The following C8orf34 variants were observed in gnomAD, a reference collection of about 807,000 sequenced individuals.
C8orf34 encodes the protein chromosome 8 open reading frame 34, also known as uncharacterized protein C8orf34.
In C8orf34, 65 loss-of-function variants were observed where a neutral mutation model predicts 68.3. That is an observed-to-expected ratio of 0.95 (90% confidence interval 0.78 to 1.17). C8orf34 has a LOEUF of 1.17. Ranked by LOEUF, C8orf34 falls within the 50% of genes most tolerant of loss-of-function variation. The probability of loss-of-function intolerance (pLI) is 0.00; values close to 1 mark genes in which losing one functional copy is unlikely to be tolerated. For missense variants in C8orf34, 664 were observed against 655.4 expected (o/e 1.01, Z -0.14); for synonymous variants, 244 against 241.2 (o/e 1.01, Z -0.11).
intron 8 of C8orf34, among the ~76,000 whole-genome samples, chr8:68,700,316 C>T (rs996066395): frequency 6.6e-6 from 1 of 151,938 alleles, no homozygotes; most frequent in Non-Finnish European, 1.5e-5. Flanking sequence ...TGTGAAAGGG[C>T]CAGAATCAAG....
chr8:68,553,868 A>G (rs1171171475), intron 7 of C8orf34, among the ~76,000 whole-genome samples: 1 of 75,488 alleles, frequency 1.3e-5, no homozygotes, highest in Non-Finnish European at 2.5e-5. Context: ...ATTCTATGCC[A>G]CAACAAAAGT....
At chr8:68,444,207 C>T (rs1327837102) in intron 2 of C8orf34, among the ~76,000 whole-genome samples, 1 of 152,058 alleles carries the variant, frequency 6.6e-6, no homozygotes, top group East Asian at 1.9e-4. Context: ...ATTGGTATTG[C>T]ATTTTAGTTT....
chr8:68,379,287 T>TA (rs1182430514), intron 1 of C8orf34, among the ~76,000 whole-genome samples: 1 of 152,222 alleles, frequency 6.6e-6, no homozygotes, highest in Non-Finnish European at 1.5e-5. Flanking sequence ...ATTCCAGTGT[T>TA]ACTTCGGTTG....
intron 2 of C8orf34, among the ~76,000 whole-genome samples, chr8:68,440,269 C>G (rs1297163887): frequency 6.6e-6 from 1 of 152,190 alleles, no homozygotes; most frequent in Admixed American, 6.5e-5. Flanking sequence ...TCCAAATCCC[C>G]TCATGCCCAT....
At chr8:68,332,263 T>G (rs1246880577) in intron 1 of C8orf34, among the ~76,000 whole-genome samples, 1 of 151,832 alleles carries the variant, frequency 6.6e-6, no homozygotes, top group Non-Finnish European at 1.5e-5. Flanking sequence ...TAGTCAGAAG[T>G]GGAGGCCCTT....
At chr8:68,623,188 C>T (rs1302013822) in intron 7 of C8orf34, among the ~76,000 whole-genome samples, 4 of 152,186 alleles carry the variant, frequency 2.6e-5, no homozygotes, top group Non-Finnish European at 4.4e-5. Flanking sequence ...TTGTCCCACA[C>T]ATTAAACACT....
chr8:68,660,545 C>G (rs1336441684), intron 8 of C8orf34, among the ~76,000 whole-genome samples: 3 of 152,130 alleles, frequency 2.0e-5, no homozygotes, highest in African/African-American at 7.2e-5. Context: ...CTAGCATGAC[C>G]CCTACCCACG....
At chr8:68,521,355 T>C (rs1449222369) in intron 5 of C8orf34, among the ~76,000 whole-genome samples, 5 of 152,228 alleles carry the variant, frequency 3.3e-5, no homozygotes, top group East Asian at 1.9e-4. Flanking sequence ...TAAAATGCTT[T>C]GCAGTTGGAG....
At chr8:68,632,690 T>G (rs1818727318) in intron 7 of C8orf34, among the ~76,000 whole-genome samples, 1 of 152,134 alleles carries the variant, frequency 6.6e-6, no homozygotes, top group South Asian at 2.1e-4. Context: ...GCTCCTCTGT[T>G]CAGCCTTGGG....
chr8:68,478,632 A>C (rs918549213), intron 4 of C8orf34, among the ~76,000 whole-genome samples: 3 of 152,218 alleles, frequency 2.0e-5, no homozygotes, highest in African/African-American at 7.2e-5. Context: ...GGTTTAATTG[A>C]TTCACAGTCC....
chr8:68,631,953 G>A (rs1417355968), intron 7 of C8orf34, among the ~76,000 whole-genome samples: 1 of 152,056 alleles, frequency 6.6e-6, no homozygotes, highest in African/African-American at 2.4e-5. Flanking sequence ...GTGTGAAAAA[G>A]GGCTAATACA....
chr8:68,745,510 C>T (rs1044842289), intron 10 of C8orf34, among the ~76,000 whole-genome samples: 7 of 152,080 alleles, frequency 4.6e-5, no homozygotes, highest in African/African-American at 1.4e-4. Context: ...CAGAGACACA[C>T]ATAGGCTCAA....
intron 8 of C8orf34, among the ~76,000 whole-genome samples, chr8:68,644,909 G>A (rs1819120064): frequency 6.6e-6 from 1 of 152,228 alleles, no homozygotes; most frequent in African/African-American, 2.4e-5. Context: ...TTGTGGGGAA[G>A]ACGCAGATGA....
chr8:68,649,099 G>C (rs1235533465), intron 8 of C8orf34, among the ~76,000 whole-genome samples: 3 of 152,100 alleles, frequency 2.0e-5, no homozygotes, highest in Non-Finnish European at 4.4e-5. Flanking sequence ...CAAACATGAA[G>C]GAAAATGGAT....
At chr8:68,757,270 A>C (rs1822890037) in intron 10 of C8orf34, among the ~76,000 whole-genome samples, 1 of 152,114 alleles carries the variant, frequency 6.6e-6, no homozygotes, top group African/African-American at 2.4e-5. Flanking sequence ...CTAATGGAGG[A>C]CTCTGGAGGC....
chr8:68,373,018 A>G (rs972089194), intron 1 of C8orf34, among the ~76,000 whole-genome samples: 1 of 152,146 alleles, frequency 6.6e-6, no homozygotes, highest in African/African-American at 2.4e-5. Context: ...TTTTTGAGAC[A>G]GAGTTTTGCT....
chr8:68,664,139 A>T (rs1649207210), intron 8 of C8orf34, among the ~76,000 whole-genome samples: 1 of 152,088 alleles, frequency 6.6e-6, no homozygotes, highest in Non-Finnish European at 1.5e-5. Flanking sequence ...AGTTTATGAA[A>T]CTTCCTTTTC....
intron 8 of C8orf34, among the ~76,000 whole-genome samples, chr8:68,672,686 T>C (rs1437827814): frequency 6.6e-6 from 1 of 152,126 alleles, no homozygotes; most frequent in Non-Finnish European, 1.5e-5. Flanking sequence ...TGAAAGGCAG[T>C]CTAGGCTACA....
intron 1 of C8orf34, among the ~76,000 whole-genome samples, chr8:68,372,047 C>T (rs1191758399): frequency 6.6e-6 from 1 of 152,182 alleles, no homozygotes; most frequent in Non-Finnish European, 1.5e-5. Context: ...CTCTGCATGT[C>T]ACATAATTGT....
Sources: allele counts gnomAD v4.1 joint callset (sites outside exome capture counted in the v4.1 genomes callset), GRCh38; gene constraint gnomAD v4.1.1; transcripts MANE v1.5; gene names NCBI Gene and HGNC (gene_info 2026-07-23, HGNC 2026-07-21).